The following SV2C variants were observed in gnomAD, a reference collection of about 807,000 sequenced individuals.
SV2C encodes solute carrier family 22 member B3.
Under a neutral mutation model 79.7 loss-of-function variants are expected in SV2C, and 49 were observed. The ratio of observed to expected loss-of-function variants is 0.61; its 90% CI spans 0.49 to 0.78. SV2C has a LOEUF of 0.78. Among genes scored for constraint, SV2C ranks in the 30% least tolerant of loss-of-function variants. The pLI is 0.00. For missense variants in SV2C, 833 were observed against 912.9 expected (o/e 0.91, Z 1.13); for synonymous variants, 334 against 333.2 (o/e 1.00, Z -0.03).
At chr5:75,879,354 C>A in the SV2C span, among the ~76,000 whole-genome samples, 4 of 152,116 alleles carry the variant, frequency 2.6e-5, no homozygotes, top group Non-Finnish European at 4.4e-5. Context: ...CACCTATGAA[C>A]CTTTAAAATC....
chr5:75,990,929 A>T, the SV2C span, among the ~76,000 whole-genome samples: 1 of 152,018 alleles, frequency 6.6e-6, no homozygotes, highest in South Asian at 2.1e-4. Flanking sequence ...GATTTCTCCC[A>T]TGAAGACTGC....
At chr5:75,886,405 C>A in the SV2C span, among the ~76,000 whole-genome samples, 4 of 152,160 alleles carry the variant, frequency 2.6e-5, no homozygotes, top group Admixed American at 2.6e-4. Context: ...CCAGAGGAGG[C>A]CAGAGTCCTC....
chr5:76,212,707 C>T (rs983615078), intron 4 of SV2C, among the ~76,000 whole-genome samples: 2 of 152,076 alleles, frequency 1.3e-5, no homozygotes, highest in Admixed American at 6.6e-5. Flanking sequence ...TACGTGTGTC[C>T]GTGTGTCCAC....
At chr5:75,927,709 T>A in the SV2C span, among the ~76,000 whole-genome samples, 1 of 152,176 alleles carries the variant, frequency 6.6e-6, no homozygotes, top group African/African-American at 2.4e-5. Context: ...ATAAAGACAT[T>A]TTTGAAGGTT....
intron 12 of SV2C, among the ~76,000 whole-genome samples, chr5:76,309,020 G>A (rs1422151876): frequency 6.6e-6 from 1 of 152,086 alleles, no homozygotes; most frequent in Non-Finnish European, 1.5e-5. Context: ...CAGAGCATCA[G>A]AGAGGTTTTC....
intron 4 of SV2C, among the ~76,000 whole-genome samples, chr5:76,259,646 T>C (rs747265446): frequency 6.6e-6 from 1 of 150,928 alleles, no homozygotes; most frequent in Non-Finnish European, 1.5e-5. Flanking sequence ...CCCCTCCCTA[T>C]GTTCATGTGT....
intron 2 of SV2C, among the ~76,000 whole-genome samples, chr5:76,137,678 G>A (rs13155330): frequency 0.12 from 17,897 of 152,124 alleles, 1,141 homozygotes; most frequent in Non-Finnish European, 0.14. Context: ...TGACACTTTT[G>A]TATTTTTTAA....
the SV2C span, among the ~76,000 whole-genome samples, chr5:75,997,331 T>C: frequency 6.6e-6 from 1 of 152,096 alleles, no homozygotes; most frequent in African/African-American, 2.4e-5. Flanking sequence ...AAAGCCAAAA[T>C]TGACAAATGG....
the SV2C span, among the ~76,000 whole-genome samples, chr5:75,940,041 T>G: frequency 1.4e-4 from 21 of 152,208 alleles, no homozygotes; most frequent in East Asian, 3.9e-3. Context: ...TGTGCAGGAG[T>G]GTCTCCACCA....
chr5:76,228,222 G>C (rs1196011552), intron 4 of SV2C, among the ~76,000 whole-genome samples: 1 of 152,100 alleles, frequency 6.6e-6, no homozygotes, highest in Non-Finnish European at 1.5e-5. Flanking sequence ...GAATTTCCCT[G>C]CTATTAAGCG....
intron 4 of SV2C, among the ~76,000 whole-genome samples, chr5:76,280,392 T>A (rs1580015609): frequency 6.6e-6 from 1 of 152,190 alleles, no homozygotes; most frequent in East Asian, 1.9e-4. Flanking sequence ...GATTCTAAGC[T>A]GAGCAGAGCT....
chr5:75,942,415 T>C, the SV2C span, among the ~76,000 whole-genome samples: 1 of 152,168 alleles, frequency 6.6e-6, no homozygotes, highest in Admixed American at 6.6e-5. Flanking sequence ...GAAGACGTGA[T>C]GGCTAGAGCT....
At chr5:76,194,388 A>T (rs1465743183) in intron 2 of SV2C, among the ~76,000 whole-genome samples, 1 of 152,202 alleles carries the variant, frequency 6.6e-6, no homozygotes, top group African/African-American at 2.4e-5. Flanking sequence ...TCTGCTACAT[A>T]GGCATTTCCC....
chr5:75,906,474 C>G, the SV2C span, among the ~76,000 whole-genome samples: 424 of 150,698 alleles, frequency 2.8e-3, 1 homozygote, highest in African/African-American at 9.3e-3. Flanking sequence ...TTTTGACCAG[C>G]TCATCTTATT....
intron 1 of SV2C, among the ~76,000 whole-genome samples, chr5:76,098,942 A>T (rs1026217187): frequency 5.3e-5 from 8 of 152,190 alleles, no homozygotes; most frequent in Non-Finnish European, 7.4e-5. Flanking sequence ...TTGCCCACTG[A>T]TGGGGAGAAT....
chr5:76,117,176 T>C (rs933706260), intron 1 of SV2C, among the ~76,000 whole-genome samples: 1 of 152,204 alleles, frequency 6.6e-6, no homozygotes, highest in Non-Finnish European at 1.5e-5. Context: ...ACCCAACCAA[T>C]GGATCTGGCA....
the SV2C span, among the ~76,000 whole-genome samples, chr5:76,072,732 A>G: frequency 9.4e-4 from 143 of 152,328 alleles, no homozygotes; most frequent in Middle Eastern, 6.8e-3. Flanking sequence ...CAATGGTATA[A>G]AAGTGTTCCC....
chr5:76,071,806 A>G, the SV2C span, among the ~76,000 whole-genome samples: 1 of 152,248 alleles, frequency 6.6e-6, no homozygotes, highest in Non-Finnish European at 1.5e-5. Flanking sequence ...ATTATACAAG[A>G]CAAATTCTGA....
chr5:75,886,750 AG>A, the SV2C span, among the ~76,000 whole-genome samples: 216 of 152,168 alleles, frequency 1.4e-3, 1 homozygote, highest in African/African-American at 4.2e-3. Flanking sequence ...TTGGTGGTCG[AG>A]GGGCGGTGGG....
Sources: gnomAD v4.1 joint callset for allele counts (sites outside exome capture counted in the v4.1 genomes callset) on GRCh38, gnomAD v4.1.1 for gene constraint, MANE v1.5 for transcripts, NCBI Gene and HGNC (gene_info 2026-07-23, HGNC 2026-07-21) for gene names.